The following ANKRD52 variants were observed in gnomAD, a reference collection of about 807,000 sequenced individuals.
ANKRD52 encodes ankyrin repeat domain 52, also known as serine/threonine-protein phosphatase 6 regulatory ankyrin repeat subunit C.
Under a neutral mutation model 116.0 loss-of-function variants are expected in ANKRD52, and 7 were observed. That is an observed-to-expected ratio of 0.06 (90% CI 0.03 to 0.11). The LOEUF is 0.11. Among genes scored for constraint, ANKRD52 ranks in the 10% least tolerant of loss-of-function variants. The pLI, the probability that ANKRD52 is intolerant of heterozygous loss-of-function variation, is 1.00. For missense variants in ANKRD52, 839 were observed against 1,408.6 expected (o/e 0.60, Z 6.47); for synonymous variants, 528 against 578.1 (o/e 0.91, Z 1.24).
rs201137450 is a variant in ANKRD52, at chr12:56,248,557, T to C, written c.1714A>G (p.Met572Val). The change falls in exon 17 of 28, where the codon ATG becomes GTG. Residue 572 changes from methionine to valine, a missense_variant. Physicochemically the swap from Met to Val is conservative, Grantham distance 21 (BLOSUM62 1). This residue lies in a region of ANKRD52 where 552 missense variants were observed against 810.6 expected (regional missense o/e 0.68). Transcript: ENST00000267116. The surrounding 1 kb of genome is among the most constrained non-coding windows in gnomAD (Gnocchi z 5.1). ...NRQNLELLLE[M>V]SFNCLEDVES... ...ACATCCTCCAGGCAGTTAAAGGACA[T>C]TTCTAAGAGCTGCAAAGGACAGGAA... The C allele has an allele frequency of 1.1e-4, 176 of 1,591,810 alleles. No homozygotes were observed. Among genetic ancestry groups the C allele is most frequent in the Non-Finnish European group, 1.1e-4 (131 of 1,169,352 alleles).
chr12:56,247,955 G>T (rs950810874), intron 18 of ANKRD52, 68 bp downstream of exon 18: 6 of 1,486,114 alleles, frequency 4.0e-6, no homozygotes, highest in Non-Finnish European at 5.4e-6. Flanking sequence ...CCACTTTCCA[G>T]CCCCATTCCC....
In ANKRD52 at chr12:56,253,883, A is replaced by G. The variant is rs1871817078; in HGVS notation, c.907-83T>C. ...AATGCCCTACCTCCCTTCCAAGGAC[A>G]TATCTCTAAGGACAAAAGGGTCATA... On this transcript the variant is annotated intron_variant, in intron 8 of 27. Transcript: ENST00000267116. This position sits in a 1 kb window ranked among gnomAD's most constrained non-coding sequence, Gnocchi z 5.5. 2.7e-6 allele frequency: 4 copies of G among 1,486,582 alleles called. No individual in the cohort carries two copies. The allele number at this position is 1,486,582 out of a possible 1,614,324, so 92.1% of individuals were successfully genotyped here. A position where few individuals can be genotyped will look rare whatever the true frequency, so the allele number is the denominator to read the frequency against.
chr12:56,251,556 T>C, intron 15 of ANKRD52, among the ~76,000 whole-genome samples: 1 of 152,130 alleles, frequency 6.6e-6, no homozygotes, highest in South Asian at 2.1e-4. Flanking sequence ...TCATCTTTTA[T>C]CCTTAGTATC....
chr12:56,247,364 A>AT, intron 20 of ANKRD52, 129 bp downstream of exon 20: 1 of 752,616 alleles, frequency 1.3e-6, no homozygotes, highest in Non-Finnish European at 2.1e-6. Flanking sequence ...AAAAAAAAAA[A>AT]GAAAAAGAAA....
At chr12:56,256,133 A>C (rs1871941481) in intron 4 of ANKRD52, 149 bp from the exon 5 acceptor site, 4 of 758,270 alleles carry the variant, frequency 5.3e-6, no homozygotes, top group Admixed American at 5.4e-5. Context: ...GCCTCTGAAT[A>C]CCTACTTTCC....
At position 56,243,743 on chromosome 12, in the gene ANKRD52, C is replaced by A. The variant is rs1399255618; in HGVS notation, c.2980+42G>T. The A allele has an allele frequency of 6.5e-7, 1 of 1,533,008 alleles. No individual in the cohort carries two copies. The highest frequency in any genetic ancestry group is 8.8e-7 in the Non-Finnish European group (1 of 1,130,830). The allele number at this position is 1,533,008 out of a possible 1,614,324, so 95.0% of individuals were successfully genotyped here. A position where few individuals can be genotyped will look rare whatever the true frequency, so the allele number is the denominator to read the frequency against. On this transcript the variant is annotated intron_variant, in intron 27 of 27. Transcript: ENST00000267116. The surrounding 1 kb of genome is among the most constrained non-coding windows in gnomAD (Gnocchi z 4.6). The stretch of plus-strand genomic sequence containing the variant: ...GTCACCTCCTGAAGAATGTCCCTGA[C>A]CCCAAACCCAAGAGAGGCATGGGGC...
Position 56,243,177 on chromosome 12 carries a change from C to T in ANKRD52, c.3196G>A (p.Gly1066Ser), listed in dbSNP as rs753844634. 3.1e-5 allele frequency: 50 copies of T among 1,608,888 alleles called. No individual in the cohort carries two copies. Among genetic ancestry groups the T allele is most frequent in the Middle Eastern group, 3.3e-4 (2 of 6,020 alleles). ...ASCPYSQERP[G>S]AIGLDGCYSE Reference sequence around the variant, plus strand: ...TAGCAGCCATCTAACCCAATGGCGCCGGGCCGCTCCTGGCTGTAGGGGCAG... The same window carrying T: ...TAGCAGCCATCTAACCCAATGGCGCTGGGCCGCTCCTGGCTGTAGGGGCAG... The change falls in exon 28 of 28, where the codon GGC becomes AGC. Residue 1066 changes from glycine (G) to serine (S), a missense_variant. Physicochemically the swap from Gly to Ser is moderately conservative, Grantham distance 56. Around this residue, in one of 2 missense-constraint regions of ANKRD52, gnomAD observed 552 missense variants for 810.6 expected, o/e 0.68. Transcript: ENST00000267116. The surrounding 1 kb of genome is among the most constrained non-coding windows in gnomAD (Gnocchi z 4.6).
chr12:56,244,837 G>A lies in ANKRD52; in HGVS notation c.2577-40C>T, dbSNP rs1451312919. 1 of 1,613,716 alleles carries A rather than the reference G, an allele frequency of 6.2e-7. No homozygotes were observed. Among genetic ancestry groups the A allele is most frequent in the Non-Finnish European group, 8.5e-7 (1 of 1,179,856 alleles). On this transcript the variant is annotated intron_variant, in intron 23 of 27. Coordinates refer to ENST00000267116, the MANE Select transcript of ANKRD52 (RefSeq NM_173595.4). This position sits in a 1 kb window ranked among gnomAD's most constrained non-coding sequence, Gnocchi z 4.9. ...TCAGGGTAGATTAAAATAGGGAAGA[G>A]TATACTGCCCAAGCAGAAAGGGGAA... is the stretch of plus-strand genomic sequence containing the variant.
rs1871549458 is a variant in ANKRD52, at chr12:56,248,826, C to T, written c.1637G>A (p.Arg546Gln). 1 of 1,611,126 alleles carries T rather than the reference C, an allele frequency of 6.2e-7. No individual in the cohort carries two copies. The highest frequency in any genetic ancestry group is 8.5e-7 in the Non-Finnish European group (1 of 1,178,644). The change falls in exon 16 of 28, where the codon CGG becomes CAG. Residue 546 changes from arginine (R) to glutamine (Q), a missense_variant. Around this residue, in one of 2 missense-constraint regions of ANKRD52, gnomAD observed 552 missense variants for 810.6 expected, o/e 0.68. Transcript: ENST00000267116. This position sits in a 1 kb window ranked among gnomAD's most constrained non-coding sequence, Gnocchi z 5.1. ...LLDNGADPSLRDRQGYTAVHY... is the reference protein window; with the variant it reads ...LLDNGADPSLQDRQGYTAVHY... ...CACAGCTGTGTAGCCCTGCCTGTCC[C>T]GCAGGGAGGGGTCTGCACCGTTATC... is the stretch of plus-strand genomic sequence containing the variant.
intron 22 of ANKRD52, 57 bp from the exon 23 acceptor site, chr12:56,245,046 C>T: frequency 6.2e-7 from 1 of 1,612,884 alleles, no homozygotes; most frequent in Non-Finnish European, 8.5e-7. Flanking sequence ...GACTACCTGT[C>T]CTAAGCTCAA....
In ANKRD52 at chr12:56,237,838, C is replaced by T; in HGVS notation, c.*5304G>A. 7.7e-7 allele frequency: 1 copy of T among 1,301,544 alleles called. No homozygotes were observed. The highest frequency in any genetic ancestry group is 1.6e-5 in the South Asian group (1 of 64,312). 80.6% of individuals were successfully genotyped at this position (1,301,544 alleles called of 1,614,324 possible). On this transcript the variant is annotated 3_prime_UTR_variant, in exon 28 of 28. Coordinates refer to ENST00000267116, the MANE Select transcript of ANKRD52 (RefSeq NM_173595.4). ...CAATAGGATTTTAATAAACAGAACC[C>T]ATCCCAAAGCCATGACTACGACAGT...
In ANKRD52 at chr12:56,244,091, C is replaced by G; in HGVS notation, c.2848G>C (p.Asp950His). ...CALMILAETQ[D>H]LGLINATNSA... ...TTGGTAGCATTGATAAGGCCAAGGT[C>G]TTGGGTTTCTGCCAGGATCATGAGG... is the stretch of plus-strand genomic sequence containing the variant. Residue 950 changes from aspartate (D) to histidine (H), a missense_variant, in exon 26 of 28, where the codon GAC (aspartate) becomes CAC (histidine). By Grantham distance (81) the Asp-to-His change is moderately conservative. Coordinates refer to ENST00000267116, the MANE Select transcript of ANKRD52 (RefSeq NM_173595.4). This position sits in a 1 kb window ranked among gnomAD's most constrained non-coding sequence, Gnocchi z 4.9. 6.2e-7 allele frequency: 1 copy of G among 1,614,016 alleles called. No homozygotes were observed. Among genetic ancestry groups the G allele is most frequent in the Non-Finnish European group, 8.5e-7 (1 of 1,179,902 alleles).
chr12:56,258,178 C>T (rs1387265908), intron 1 of ANKRD52, 65 bp downstream of exon 1: 27 of 1,568,720 alleles, frequency 1.7e-5, no homozygotes, highest in Non-Finnish European at 2.2e-5. Context: ...CGCACATCCC[C>T]GGGCTCGCGT....
In ANKRD52 at chr12:56,254,294, G is replaced by A. The variant is rs1436382303; in HGVS notation, c.694-15C>T. The stretch of plus-strand genomic sequence containing the variant: ...GGTTCATCGATCTGGATATTCAGGG[G>A]TGAGAGTAAGGTGGTATCAGTTTAA... On this transcript the variant is annotated splice_polypyrimidine_tract_variant and intron_variant, in intron 7 of 27. Transcript: ENST00000267116. The surrounding 1 kb of genome is among the most constrained non-coding windows in gnomAD (Gnocchi z 4.6). 4.3e-6 allele frequency: 7 copies of A among 1,611,396 alleles called. No individual in the cohort carries two copies. Among genetic ancestry groups the A allele is most frequent in the Non-Finnish European group, 1.7e-6 (2 of 1,178,668 alleles).
At position 56,253,053 on chromosome 12, in the gene ANKRD52, T is replaced by C; in HGVS notation, c.1134A>G (p.Leu378=). 6.3e-7 allele frequency: 1 copy of C among 1,585,588 alleles called. No homozygotes were observed. The highest frequency in any genetic ancestry group is 1.7e-4 in the Middle Eastern group (1 of 6,022). Reference sequence around the variant, plus strand: ...AGTCAGAGAATCCAAAGAGAACAGCTAAGTGCAGGGGGAACATGTCATGGA... The same window carrying C: ...AGTCAGAGAATCCAAAGAGAACAGCCAAGTGCAGGGGGAACATGTCATGGA... The part of the protein sequence containing the change: ...RGIHDMFPLH[L]AVLFGFSDCC... Residue 378 remains leucine (L), a synonymous_variant, in exon 11 of 28, where the codon TTA becomes TTG. Transcript: ENST00000267116. This position sits in a 1 kb window ranked among gnomAD's most constrained non-coding sequence, Gnocchi z 5.5.
In ANKRD52 at chr12:56,254,406, C is replaced by T. The variant is rs943718528; in HGVS notation, c.694-127G>A. On this transcript the variant is annotated intron_variant, in intron 7 of 27. Coordinates refer to ENST00000267116, the MANE Select transcript of ANKRD52 (RefSeq NM_173595.4). This position sits in a 1 kb window ranked among gnomAD's most constrained non-coding sequence, Gnocchi z 4.6. ...CCTCTCGGGTTTATGACCCAAGGTA[C>T]TAAGGTACTAAGGGCACTATGGCTA... 3.5e-6 allele frequency: 5 copies of T among 1,420,490 alleles called. No homozygotes were observed. Among genetic ancestry groups the T allele is most frequent in the South Asian group, 1.3e-5 (1 of 77,568 alleles). 88.0% of individuals were successfully genotyped at this position (1,420,490 alleles called of 1,614,324 possible). A position where few individuals can be genotyped will look rare whatever the true frequency, so the allele number is the denominator to read the frequency against.
intron 15 of ANKRD52, among the ~76,000 whole-genome samples, chr12:56,249,190 G>A (rs1871567168): frequency 6.6e-6 from 1 of 152,086 alleles, no homozygotes; most frequent in South Asian, 2.1e-4. Context: ...CTCCAGGCAC[G>A]CCAACCCCTG....
At position 56,254,007 on chromosome 12, in the gene ANKRD52, T is replaced by C; in HGVS notation, c.906+60A>G. The C allele has an allele frequency of 6.6e-7, 1 of 1,526,252 alleles. No individual in the cohort carries two copies. Among genetic ancestry groups the C allele is most frequent in the Non-Finnish European group, 9.0e-7 (1 of 1,106,676 alleles). The allele number at this position is 1,526,252 out of a possible 1,614,324, so 94.5% of individuals were successfully genotyped here. On this transcript the variant is annotated intron_variant, in intron 8 of 27. Transcript: ENST00000267116. The surrounding 1 kb of genome is among the most constrained non-coding windows in gnomAD (Gnocchi z 4.6). Reference sequence around the variant, plus strand: ...CCCCAAGAGAGCTATCCAGATACAGTCAGGACCCCTAGATCCAAGTTTCGC... The same window carrying C: ...CCCCAAGAGAGCTATCCAGATACAGCCAGGACCCCTAGATCCAAGTTTCGC...
Position 56,248,443 on chromosome 12 carries a change from C to A in ANKRD52, c.1776+52G>T. The A allele has an allele frequency of 6.5e-7, 1 of 1,542,788 alleles. No individual in the cohort carries two copies. Among genetic ancestry groups the A allele is most frequent in the Non-Finnish European group, 8.8e-7 (1 of 1,134,264 alleles). On this transcript the variant is annotated intron_variant, in intron 17 of 27. Coordinates refer to ENST00000267116, the MANE Select transcript of ANKRD52 (RefSeq NM_173595.4). This position sits in a 1 kb window ranked among gnomAD's most constrained non-coding sequence, Gnocchi z 5.1. ...ACAAGTGCTGGCACCTTTGTTAGGG[C>A]CTGGGAACAGGTAGGACAAGGAAGG...
Sources: gnomAD v4.1 joint callset for allele counts (sites outside exome capture counted in the v4.1 genomes callset) on GRCh38, gnomAD v4.1.1 for gene constraint, gnomAD v4.1.1 regional missense constraint, Gnocchi (gnomAD v3.1) non-coding constraint, MANE v1.5 for transcripts, NCBI Gene and HGNC (gene_info 2026-07-23, HGNC 2026-07-21) for gene names.